MGAT4C: variants seen among roughly 807,000 people sequenced by gnomAD.
MGAT4C encodes alpha-1,3-mannosyl-glycoprotein 4-beta-N-acetylglucosaminyltransferase C.
A neutral mutation model predicts 40.1 loss-of-function variants in MGAT4C; 19 were observed. That is an observed-to-expected ratio of 0.47 (90% CI 0.33 to 0.70). MGAT4C has a LOEUF of 0.70. Ranked by LOEUF, MGAT4C falls within the 30% of genes least tolerant of loss-of-function variation. The pLI is 0.02. For missense variants in MGAT4C, 491 were observed against 563.2 expected (o/e 0.87, Z 1.30); for synonymous variants, 181 against 187.1 (o/e 0.97, Z 0.27).
At chr12:86,353,295 T>G (rs1035620685) in intron 3 of MGAT4C, among the ~76,000 whole-genome samples, 2 of 152,126 alleles carry the variant, frequency 1.3e-5, no homozygotes, top group African/African-American at 4.8e-5. Flanking sequence ...TCTCTTCCGC[T>G]GAATAAAATT....
chr12:86,231,839 T>C (rs1459133583), intron 1 of MGAT4C, among the ~76,000 whole-genome samples: 2 of 152,116 alleles, frequency 1.3e-5, no homozygotes, highest in South Asian at 2.1e-4. Flanking sequence ...CATTAGACAT[T>C]ATAAAATCAA....
At chr12:86,459,157 T>C (rs754307494) in intron 2 of MGAT4C, among the ~76,000 whole-genome samples, 13 of 152,138 alleles carry the variant, frequency 8.5e-5, no homozygotes, top group Non-Finnish European at 1.8e-4. Context: ...AGATAAAGTT[T>C]AATGTAAAAA....
chr12:86,629,254 C>A (rs1021014997), intron 2 of MGAT4C, among the ~76,000 whole-genome samples: 14 of 152,206 alleles, frequency 9.2e-5, no homozygotes, highest in African/African-American at 3.4e-4. Flanking sequence ...ATTCATAAAG[C>A]AGTCCTTAGA....
chr12:86,766,639 G>A (rs1470604244), intron 1 of MGAT4C, among the ~76,000 whole-genome samples: 1 of 150,958 alleles, frequency 6.6e-6, no homozygotes, highest in Non-Finnish European at 1.5e-5. Context: ...CTCAGCAAAT[G>A]TAAAAGAACA....
At chr12:86,356,442 C>T (rs1955312510) in intron 3 of MGAT4C, among the ~76,000 whole-genome samples, 1 of 152,124 alleles carries the variant, frequency 6.6e-6, no homozygotes, top group Non-Finnish European at 1.5e-5. Flanking sequence ...GCATTTCCAA[C>T]TGAGGTACCA....
chr12:86,149,063 A>C (rs1883933151), intron 1 of MGAT4C, among the ~76,000 whole-genome samples: 1 of 152,172 alleles, frequency 6.6e-6, no homozygotes, highest in Non-Finnish European at 1.5e-5. Context: ...GTTGAATGTA[A>C]AATTTCTTAT....
At chr12:86,036,621 A>G (rs1030999479) in intron 2 of MGAT4C, among the ~76,000 whole-genome samples, 3 of 149,858 alleles carry the variant, frequency 2.0e-5, no homozygotes, top group Non-Finnish European at 4.5e-5. Context: ...GTATTTTGAA[A>G]CAGCCTTGCA....
chr12:86,627,783 G>T (rs1962870522), intron 2 of MGAT4C, among the ~76,000 whole-genome samples: 1 of 150,914 alleles, frequency 6.6e-6, no homozygotes, highest in Non-Finnish European at 1.5e-5. Flanking sequence ...CACACAGATG[G>T]GGAGAAACAA....
chr12:86,157,977 T>C (rs1593101088), intron 1 of MGAT4C, among the ~76,000 whole-genome samples: 1 of 152,104 alleles, frequency 6.6e-6, no homozygotes, highest in Admixed American at 6.6e-5. Flanking sequence ...AACTGAAAAA[T>C]ATACTTTATT....
chr12:86,502,377 G>A (rs1958362932), intron 2 of MGAT4C, among the ~76,000 whole-genome samples: 1 of 151,856 alleles, frequency 6.6e-6, no homozygotes, highest in Non-Finnish European at 1.5e-5. Context: ...GTAGAACCCA[G>A]GGGATCTTTA....
intron 4 of MGAT4C, among the ~76,000 whole-genome samples, chr12:86,285,293 A>G (rs1036383908): frequency 2.0e-5 from 3 of 152,006 alleles, no homozygotes; most frequent in Non-Finnish European, 4.4e-5. Context: ...TACCATATTC[A>G]ATGTTCCTTT....
intron 1 of MGAT4C, among the ~76,000 whole-genome samples, chr12:86,835,841 G>A (rs2136240776): frequency 6.6e-6 from 1 of 151,416 alleles, no homozygotes; most frequent in East Asian, 1.9e-4. Context: ...CATTTACACA[G>A]CCAAAACCCC....
intron 2 of MGAT4C, among the ~76,000 whole-genome samples, chr12:86,676,367 CCTT>C (rs1337262758): frequency 1.3e-5 from 2 of 152,236 alleles, no homozygotes; most frequent in Middle Eastern, 3.4e-3. Context: ...CAGGGGGAAA[CCTT>C]CTTTATTTCC....
chr12:85,998,102 A>G (rs1886840390), intron 2 of MGAT4C, among the ~76,000 whole-genome samples: 1 of 152,212 alleles, frequency 6.6e-6, no homozygotes, highest in African/African-American at 2.4e-5. Context: ...ATGCACTCTC[A>G]GGCTCAATAC....
intron 3 of MGAT4C, among the ~76,000 whole-genome samples, chr12:86,367,795 G>A (rs532732390): frequency 2.5e-4 from 38 of 150,710 alleles, no homozygotes; most frequent in Non-Finnish European, 4.3e-4. Flanking sequence ...GCGAGACTCC[G>A]TCTCAAAAAA....
intron 1 of MGAT4C, among the ~76,000 whole-genome samples, chr12:86,747,273 T>C (rs111917797): frequency 0.038 from 5,716 of 151,690 alleles, 147 homozygotes; most frequent in Non-Finnish European, 0.048. Context: ...AGAAATGCCG[T>C]TGAGCCGTAA....
At chr12:86,197,386 C>A (rs1475367745) in intron 1 of MGAT4C, among the ~76,000 whole-genome samples, 1 of 152,080 alleles carries the variant, frequency 6.6e-6, no homozygotes, top group East Asian at 1.9e-4. Context: ...CATAAACACA[C>A]ACAAAAATTC....
At chr12:86,629,808 T>C (rs762798978) in intron 2 of MGAT4C, among the ~76,000 whole-genome samples, 8 of 151,904 alleles carry the variant, frequency 5.3e-5, no homozygotes, top group Admixed American at 1.3e-4. Flanking sequence ...GCAAGAAAGA[T>C]CTAAAATCGA....
chr12:86,341,280 G>A (rs1055550008), intron 3 of MGAT4C, among the ~76,000 whole-genome samples: 8 of 152,242 alleles, frequency 5.3e-5, no homozygotes, highest in South Asian at 2.1e-4. Flanking sequence ...TGCTACCCTA[G>A]GGTCAAAAGA....
Sources: gnomAD v4.1 joint callset for allele counts (sites outside exome capture counted in the v4.1 genomes callset) on GRCh38, gnomAD v4.1.1 for gene constraint, MANE v1.5 for transcripts, NCBI Gene and HGNC (gene_info 2026-07-23, HGNC 2026-07-21) for gene names.